SLC25A13: variants seen among roughly 807,000 people sequenced by gnomAD.
The protein encoded by SLC25A13 is electrogenic aspartate/glutamate antiporter SLC25A13, mitochondrial.
Under a neutral mutation model 85.5 loss-of-function variants are expected in SLC25A13, and 70 were observed. The ratio of observed to expected loss-of-function variants is 0.82; its 90% CI spans 0.68 to 1.00. The LOEUF is 1.00. Ranked by LOEUF, SLC25A13 falls within the 50% of genes least tolerant of loss-of-function variation. SLC25A13 has a pLI of 0.00. For missense variants in SLC25A13, 765 were observed against 819.8 expected (o/e 0.93, Z 0.82); for synonymous variants, 259 against 288.7 (o/e 0.90, Z 1.04).
chr7:96,169,779 C>A, intron 13 of SLC25A13: 1 of 494,132 alleles, frequency 2.0e-6, no homozygotes, highest in Non-Finnish European at 3.6e-6. Flanking sequence ...AACACTTCTG[C>A]CACAAATGAC....
At chr7:96,152,702 G>A (rs76732281) in intron 13 of SLC25A13, among the ~76,000 whole-genome samples, 3,311 of 152,204 alleles carry the variant, frequency 0.022, 131 homozygotes, top group African/African-American at 0.076. Context: ...AAGGTGGGAG[G>A]ATGAAGAAGA....
At chr7:96,310,198 G>C (rs532506716) in intron 1 of SLC25A13, among the ~76,000 whole-genome samples, 32 of 152,214 alleles carry the variant, frequency 2.1e-4, no homozygotes, top group African/African-American at 7.5e-4. Flanking sequence ...TATTCCAGCT[G>C]TTTCGATTCT....
intron 4 of SLC25A13, among the ~76,000 whole-genome samples, chr7:96,228,163 C>A (rs987560962): frequency 2.0e-5 from 3 of 152,130 alleles, no homozygotes; most frequent in Admixed American, 6.5e-5. Context: ...TGTGCCTGGC[C>A]TAGATTTTTT....
rs192188580 is a variant in SLC25A13 at position 96,189,892 on chromosome 7, G to A, written c.755-218C>T. On this transcript the variant is annotated intron_variant, in intron 7 of 17. Coordinates refer to ENST00000265631, the MANE Select transcript of SLC25A13 (RefSeq NM_014251.3). Reference sequence around the variant, plus strand: ...ATGTTCTTGAATATACAGTTTAAAAGCTTGGGGTCATCTGATGTTATTCAA... The same window carrying A: ...ATGTTCTTGAATATACAGTTTAAAAACTTGGGGTCATCTGATGTTATTCAA... 6.0e-3 allele frequency among the ~76,000 whole-genome samples: 917 copies of A among 152,220 alleles called. 6 individuals carry two copies. The highest frequency in any genetic ancestry group is 9.0e-3 in the Non-Finnish European group (610 of 68,030).
chr7:96,209,044 T>C (rs1295880857), intron 4 of SLC25A13, 67 bp from the exon 5 acceptor site: 37 of 1,494,154 alleles, frequency 2.5e-5, no homozygotes, highest in African/African-American at 6.9e-5. Flanking sequence ...AAATCTGTTA[T>C]TGAATGGATA....
intron 2 of SLC25A13, among the ~76,000 whole-genome samples, chr7:96,296,497 T>C (rs11771432): frequency 0.58 from 87,237 of 149,386 alleles, 26,263 homozygotes; most frequent in Non-Finnish European, 0.66. Context: ...TTTTTTTTTT[T>C]CTTGAGACAG....
In SLC25A13 at chr7:96,131,868, C is replaced by A; in HGVS notation, c.1466G>T (p.Cys489Phe). 1 of 1,613,942 alleles carries A rather than the reference C, an allele frequency of 6.2e-7. No homozygotes were observed. The highest frequency in any genetic ancestry group is 1.3e-5 in the African/African-American group (1 of 75,026). The change falls in exon 15 of 18, where the codon TGC becomes TTC. Residue 489 changes from cysteine (C) to phenylalanine (F), a missense_variant. Transcript: ENST00000265631. The stretch of plus-strand genomic sequence containing the variant: ...CGAGAAAGGAATGTCCCGCAGAAAG[C>A]ATGCTTTGGCACCCTGCACATTTGC... Reference protein sequence around the residue: ...FFGIYKGAKACFLRDIPFSAI... With the variant: ...FFGIYKGAKAFFLRDIPFSAI...
At chr7:96,267,377 C>T (rs1798073467) in intron 3 of SLC25A13, among the ~76,000 whole-genome samples, 1 of 152,180 alleles carries the variant, frequency 6.6e-6, no homozygotes, top group Non-Finnish European at 1.5e-5. Context: ...ATAGGAAAGG[C>T]AGAGAACATG....
chr7:96,225,347 T>C (rs1235935178), intron 4 of SLC25A13, among the ~76,000 whole-genome samples: 1 of 152,006 alleles, frequency 6.6e-6, no homozygotes, highest in Non-Finnish European at 1.5e-5. Flanking sequence ...GAGTTTGAGA[T>C]TAGTCTGGGC....
chr7:96,176,928 C>T (rs932481256), intron 11 of SLC25A13, among the ~76,000 whole-genome samples: 2 of 152,152 alleles, frequency 1.3e-5, no homozygotes, highest in African/African-American at 4.8e-5. Flanking sequence ...ATCTTTCACA[C>T]TGAGTGATCT....
chr7:96,268,622 A>G (rs1464609050), intron 3 of SLC25A13, among the ~76,000 whole-genome samples: 3 of 152,230 alleles, frequency 2.0e-5, no homozygotes, highest in African/African-American at 7.2e-5. Context: ...AGGGAGGTCT[A>G]AACACAACAA....
In SLC25A13 at chr7:96,322,043, G is replaced by C; in HGVS notation, c.-87C>G. On this transcript the variant is annotated 5_prime_UTR_variant, in exon 1 of 18. Transcript: ENST00000265631. Reference sequence around the variant, plus strand: ...CGGGCGGCTCACTTCTAGTCCCGGCGGCGGCGGCGGTGGGGGCGGCGATAC... The same window carrying C: ...CGGGCGGCTCACTTCTAGTCCCGGCCGCGGCGGCGGTGGGGGCGGCGATAC... The C allele has an allele frequency of 1.3e-6, 2 of 1,504,834 alleles. No individual in the cohort carries two copies. The highest frequency in any genetic ancestry group is 8.9e-7 in the Non-Finnish European group (1 of 1,122,498). The allele number at this position is 1,504,834 out of a possible 1,614,324, so 93.2% of individuals were successfully genotyped here.
At chr7:96,303,211 T>G (rs1412449688) in intron 1 of SLC25A13, among the ~76,000 whole-genome samples, 1 of 152,106 alleles carries the variant, frequency 6.6e-6, no homozygotes, top group Non-Finnish European at 1.5e-5. Context: ...CCAGTCACCC[T>G]CCCAAACCTG....
At chr7:96,266,189 C>T (rs992771123) in intron 3 of SLC25A13, among the ~76,000 whole-genome samples, 1 of 152,216 alleles carries the variant, frequency 6.6e-6, no homozygotes. Flanking sequence ...GCTTTTACTA[C>T]TGTGCAAATA....
At chr7:96,154,883 C>T (rs192978655) in intron 13 of SLC25A13, among the ~76,000 whole-genome samples, 226 of 151,790 alleles carry the variant, frequency 1.5e-3, no homozygotes, top group Non-Finnish European at 2.9e-3. Flanking sequence ...ATGTAACCTC[C>T]GCCTCCTGGG....
intron 12 of SLC25A13, among the ~76,000 whole-genome samples, chr7:96,170,983 C>A (rs79179206): frequency 0.026 from 3,973 of 152,278 alleles, 127 homozygotes; most frequent in African/African-American, 0.073. Context: ...AGAACACACC[C>A]TAACCATGAA....
intron 4 of SLC25A13, among the ~76,000 whole-genome samples, chr7:96,230,654 T>A (rs1796508707): frequency 6.6e-6 from 1 of 152,200 alleles, no homozygotes; most frequent in South Asian, 2.1e-4. Flanking sequence ...GCTGTACACC[T>A]ACAACTATCT....
chr7:96,272,297 A>C (rs1798270574), intron 3 of SLC25A13, among the ~76,000 whole-genome samples: 1 of 152,212 alleles, frequency 6.6e-6, no homozygotes, highest in African/African-American at 2.4e-5. Context: ...TAGCAACCAA[A>C]ATTTTCGCAG....
At chr7:96,303,392 G>C (rs957118533) in intron 1 of SLC25A13, among the ~76,000 whole-genome samples, 3 of 152,078 alleles carry the variant, frequency 2.0e-5, no homozygotes, top group African/African-American at 4.8e-5. Context: ...GTGACAAGCA[G>C]GAAACGGAGA....
Sources: allele counts gnomAD v4.1 joint callset (sites outside exome capture counted in the v4.1 genomes callset), GRCh38; gene constraint gnomAD v4.1.1; transcripts MANE v1.5; gene names NCBI Gene and HGNC (gene_info 2026-07-23, HGNC 2026-07-21).